Variants in SLC26A5 observed in about 807,000 individuals in gnomAD.
SLC26A5 encodes solute carrier family 26 member 5.
SLC26A5 carries 51 observed loss-of-function variants against 81.0 expected under a neutral mutation model. That is an observed-to-expected ratio of 0.63 (90% CI 0.50 to 0.80). SLC26A5 has a LOEUF of 0.80. Ranked by LOEUF, SLC26A5 falls within the 30% of genes least tolerant of loss-of-function variation. SLC26A5 has a pLI of 0.00. For synonymous variants in SLC26A5, 325 were observed against 332.8 expected, an observed-to-expected ratio of 0.98 and a Z score of 0.25; for missense variants, 771 against 905.8, an observed-to-expected ratio of 0.85 and a Z score of 1.91.
rs1427917535 is a variant in SLC26A5, at chr7:103,367,601, T to C, written c.2041+9207A>G. The C allele has an allele frequency of 6.2e-7, 1 of 1,614,134 alleles. No homozygotes were observed. Among genetic ancestry groups the C allele is most frequent in the Admixed American group, 1.7e-5 (1 of 60,016 alleles). ...ATTGGATAGAAAAATTGAATTTAGC[T>C]TGCCCGATCTAGAGGTAAGAAAACC... is the stretch of plus-strand genomic sequence containing the variant. On this transcript the variant is annotated intron_variant, in intron 19 of 19. Transcript: ENST00000339444. The surrounding 1 kb of genome is among the most constrained non-coding windows in gnomAD (Gnocchi z 6.1).
rs1226020399 is a variant in SLC26A5, at chr7:103,434,403, T to C, written c.-54+8680A>G. Among the ~76,000 whole-genome samples, 8 of 152,330 alleles carry C rather than the reference T, an allele frequency of 5.3e-5. No homozygotes were observed. The East Asian group carries it at 1.3e-3, about 26-fold the overall frequency. On this transcript the variant is annotated intron_variant, in intron 2 of 19. Transcript: ENST00000306312. Reference sequence around the variant, plus strand: ...TCTGTGTATTCTTGACTTGGAAATTTTGTAACAATTGTATCTCTGCATGTT... The same window carrying C: ...TCTGTGTATTCTTGACTTGGAAATTCTGTAACAATTGTATCTCTGCATGTT...
intron 12 of SLC26A5, among the ~76,000 whole-genome samples, chr7:103,389,782 C>T (rs1177953638): frequency 6.6e-6 from 1 of 152,070 alleles, no homozygotes; most frequent in African/African-American, 2.4e-5. Flanking sequence ...TGGGTGCTAC[C>T]ACACTCAGTT....
In SLC26A5 at chr7:103,353,870, T is replaced by C. The variant is rs79802159; in HGVS notation, c.2042-944A>G. On this transcript the variant is annotated intron_variant, in intron 19 of 19. Coordinates refer to the SLC26A5 transcript ENST00000339444. ...AAAGCTCTAGTTTCTTTTTTAAAAA[T>C]TTTAATTCTAGTTTCTTTTTGAATC... 2,446 of 1,512,480 alleles carry C rather than the reference T, an allele frequency of 1.6e-3. 31 individuals are homozygous for C. The African/African-American group carries it at 0.03, about 18-fold the overall frequency. The allele number at this position is 1,512,480 out of a possible 1,614,324, so 93.7% of individuals were successfully genotyped here.
intron 13 of SLC26A5, 30 bp from the exon 14 acceptor site, chr7:103,389,144 A>G (rs759141846): frequency 6.0e-6 from 9 of 1,496,446 alleles, no homozygotes; most frequent in Non-Finnish European, 8.4e-6. Flanking sequence ...CTTGATGGAG[A>G]ACCATGTTAA....
intron 4 of SLC26A5, among the ~76,000 whole-genome samples, chr7:103,416,049 C>T (rs571289402): frequency 1.3e-5 from 2 of 152,300 alleles, no homozygotes; most frequent in Admixed American, 1.3e-4. Context: ...CCAGCTATCA[C>T]ATTTTTAATT....
intron 2 of SLC26A5, chr7:103,433,584 CTA>C (rs1826231363): frequency 6.6e-6 from 1 of 152,046 alleles, no homozygotes; most frequent in Admixed American, 6.5e-5. Flanking sequence ...ATTTCTATAA[CTA>C]TGTGAATATT....
At position 103,436,922 on chromosome 7, in the gene SLC26A5, A is replaced by C. The variant is rs75961242; in HGVS notation, c.-54+6161T>G. On this transcript the variant is annotated intron_variant, in intron 2 of 19. Coordinates refer to ENST00000306312, the MANE Select transcript of SLC26A5 (RefSeq NM_198999.3). ...ATATGGCTCCAAAGTCACAGACAACAAAAGCAAAAACAGACAAATGGAATG... is the reference window on the plus strand; with the variant it reads ...ATATGGCTCCAAAGTCACAGACAACCAAAGCAAAAACAGACAAATGGAATG... Among the ~76,000 whole-genome samples the C allele has an allele frequency of 7.2e-3, 1,092 of 152,356 alleles. 11 individuals are homozygous for C. The highest frequency in any genetic ancestry group is 0.025 in the African/African-American group (1,050 of 41,582).
chr7:103,391,055 A>G (rs1365797939), intron 11 of SLC26A5, among the ~76,000 whole-genome samples: 2 of 152,102 alleles, frequency 1.3e-5, no homozygotes, highest in Admixed American at 6.6e-5. Context: ...TAGTAGAGAC[A>G]GGGTTCACCA....
At chr7:103,442,376 G>A (rs1360337540) in intron 2 of SLC26A5, among the ~76,000 whole-genome samples, 9 of 152,052 alleles carry the variant, frequency 5.9e-5, no homozygotes, top group Non-Finnish European at 1.0e-4. Flanking sequence ...GGCCTCAAAT[G>A]GTACACCCTC....
At chr7:103,409,808 C>T (rs759042706) in intron 7 of SLC26A5, among the ~76,000 whole-genome samples, 41 of 151,906 alleles carry the variant, frequency 2.7e-4, no homozygotes, top group Admixed American at 5.2e-4. Context: ...CCCGGGTTCA[C>T]GCCATTCTCC....
intron 19 of SLC26A5, chr7:103,362,260 CCA>C: frequency 1.4e-6 from 2 of 1,416,392 alleles, no homozygotes; most frequent in Non-Finnish European, 1.8e-6. Flanking sequence ...TCCTAACTTC[CCA>C]TCGGCTTCGC....
chr7:103,434,702 A>C (rs1295563489), intron 2 of SLC26A5, among the ~76,000 whole-genome samples: 2 of 152,010 alleles, frequency 1.3e-5, no homozygotes, highest in African/African-American at 4.8e-5. Flanking sequence ...CCCAGGCTGG[A>C]GTGCAGTGGC....
intron 19 of SLC26A5, among the ~76,000 whole-genome samples, chr7:103,358,546 C>T (rs1179249405): frequency 6.6e-6 from 1 of 151,836 alleles, no homozygotes; most frequent in South Asian, 2.1e-4. Flanking sequence ...TTTTCTTTAT[C>T]TTTGAATTTT....
intron 4 of SLC26A5, among the ~76,000 whole-genome samples, chr7:103,417,603 ATT>A (rs1328097717): frequency 4.6e-5 from 7 of 151,916 alleles, no homozygotes; most frequent in Admixed American, 1.3e-4. Context: ...TATAGGTCTG[ATT>A]CCACAGTTGA....
chr7:103,423,327 T>C (rs1218741822), intron 2 of SLC26A5, among the ~76,000 whole-genome samples: 3 of 151,992 alleles, frequency 2.0e-5, no homozygotes, highest in African/African-American at 7.2e-5. Flanking sequence ...CACAAAATAT[T>C]GTGCAAAATA....
intron 2 of SLC26A5, among the ~76,000 whole-genome samples, chr7:103,426,348 C>G (rs969115588): frequency 6.6e-6 from 1 of 152,172 alleles, no homozygotes; most frequent in African/African-American, 2.4e-5. Context: ...TATGCACTAT[C>G]TGTAGGGTTG....
chr7:103,391,848 C>T (rs1443386894), intron 10 of SLC26A5, 113 bp from the exon 11 acceptor site: 1 of 826,476 alleles, frequency 1.2e-6, no homozygotes. Flanking sequence ...CTTCATTTTC[C>T]TTTCAGATGT....
At chr7:103,400,648 A>T (rs148022601) in intron 8 of SLC26A5, among the ~76,000 whole-genome samples, 5,864 of 152,246 alleles carry the variant, frequency 0.039, 390 homozygotes, top group African/African-American at 0.13. Context: ...GCCCATGCCT[A>T]TGTCCTGAAT....
intron 17 of SLC26A5, among the ~76,000 whole-genome samples, chr7:103,378,182 A>G (rs1213437332): frequency 6.6e-6 from 1 of 152,330 alleles, no homozygotes; most frequent in East Asian, 1.9e-4. Flanking sequence ...AGCTGAATAA[A>G]TCTATGACAA....
Sources: gnomAD v4.1 joint callset for allele counts (sites outside exome capture counted in the v4.1 genomes callset) on GRCh38, gnomAD v4.1.1 for gene constraint, Gnocchi (gnomAD v3.1) non-coding constraint, MANE v1.5 for transcripts, NCBI Gene and HGNC (gene_info 2026-07-23, HGNC 2026-07-21) for gene names.